Variants in PRPSAP1 observed in about 807,000 individuals in gnomAD.
The protein encoded by PRPSAP1 is phosphoribosyl pyrophosphate synthase-associated protein 1.
In PRPSAP1, 31 loss-of-function variants were observed where a neutral mutation model predicts 39.4. The ratio of observed to expected loss-of-function variants is 0.79; its 90% CI spans 0.59 to 1.06. The LOEUF (loss-of-function observed/expected upper bound fraction) is 1.06. PRPSAP1 is among the 50% of genes least tolerant of loss of function. The pLI is 0.00. For synonymous variants in PRPSAP1, 212 were observed against 192.6 expected (o/e 1.10, Z -0.83); for missense variants, 430 against 511.6 (o/e 0.84, Z 1.54).
Position 76,324,596 on chromosome 17 carries a change from C to A in PRPSAP1, c.781+4121G>T, listed in dbSNP as rs1006413041. Among the ~76,000 whole-genome samples, 3 of 135,372 alleles carry A rather than the reference C, an allele frequency of 2.2e-5. No individual in the cohort carries two copies. In the Admixed American group the frequency reaches 2.2e-4, roughly 10 times the overall value. 88.8% of individuals were successfully genotyped at this position (135,372 alleles called of 152,430 possible). A position where few individuals can be genotyped will look rare whatever the true frequency, so the allele number is the denominator to read the frequency against. ...AGCCTGGGCAACAAGAGCGAAAACT[C>A]CATCTCAAAAAAAAAAAAGCTATAA... On this transcript the variant is annotated intron_variant, in intron 7 of 9. Coordinates refer to ENST00000446526, the MANE Select transcript of PRPSAP1 (RefSeq NM_002766.3).
intron 3 of PRPSAP1, among the ~76,000 whole-genome samples, chr17:76,335,954 C>T (rs1340558613): frequency 2.0e-5 from 3 of 152,056 alleles, no homozygotes; most frequent in African/African-American, 7.2e-5. Context: ...TGCACTCCAA[C>T]CTGGGCAACA....
Position 76,318,694 on chromosome 17 carries a change from A to C in PRPSAP1, c.782-4803T>G, listed in dbSNP as rs191518318. Among the ~76,000 whole-genome samples, 14 of 152,308 alleles carry C rather than the reference A, an allele frequency of 9.2e-5. No homozygotes were observed. In the East Asian group the frequency reaches 2.7e-3, roughly 29 times the overall value. ...AGAATTTTCTTGGCTAAGCCTATTA[A>C]AGAGAGTCACAGAAAGCAATGTGAT... is the stretch of plus-strand genomic sequence containing the variant. On this transcript the variant is annotated intron_variant, in intron 7 of 9. Coordinates refer to ENST00000446526, the MANE Select transcript of PRPSAP1 (RefSeq NM_002766.3).
Position 76,332,381 on chromosome 17 carries a change from A to G in PRPSAP1, c.345T>C (p.Thr115=). 1.2e-6 allele frequency: 2 copies of G among 1,614,214 alleles called. No homozygotes were observed. Among genetic ancestry groups the G allele is most frequent in the Non-Finnish European group, 1.7e-6 (2 of 1,180,036 alleles). The change falls in exon 4 of 10, where the codon ACT becomes ACC. Residue 115 remains threonine (T), a synonymous_variant. Transcript: ENST00000446526. ...CCCCAATAATGTTCCTGGCACAGGCAGTCTTCAGTGCGTAAGCCATGATGA... is the reference window on the plus strand; with the variant it reads ...CCCCAATAATGTTCCTGGCACAGGCGGTCTTCAGTGCGTAAGCCATGATGA... ...ELLIMAYALK[T]ACARNIIGVI... is the part of the protein sequence containing the mutation.
rs1386737477 is a variant in PRPSAP1, at chr17:76,332,892, ATTT to A, written c.291-460_291-458del. 5.7e-5 allele frequency among the ~76,000 whole-genome samples: 8 copies of A among 139,180 alleles called. No individual in the cohort carries two copies. The South Asian group carries it at 9.1e-4, about 16-fold the overall frequency. The allele number at this position is 139,180 out of a possible 152,430, so 91.3% of individuals were successfully genotyped here. ...GAGTGTGGGGAGGTCTTGGAATATA[ATTT>A]TTTTTTTTTTTTTTTGAGACGGAGT... On this transcript the variant is annotated intron_variant, in intron 3 of 9. Transcript: ENST00000446526.
intron 7 of PRPSAP1, among the ~76,000 whole-genome samples, chr17:76,325,748 G>C (rs1348449598): frequency 6.6e-6 from 1 of 151,252 alleles, no homozygotes; most frequent in African/African-American, 2.4e-5. Context: ...GGGACTACAG[G>C]CGCCCGCCAC....
In PRPSAP1 at chr17:76,328,957, G is replaced by A. The variant is rs773911491; in HGVS notation, c.636-95C>T. ...TAACCATAAAATGAAAATATTTAAC[G>A]TTTCAGGGACATACAAAGGCATTAT... On this transcript the variant is annotated intron_variant, in intron 6 of 9. Transcript: ENST00000446526. 7 of 1,367,962 alleles carry A rather than the reference G, an allele frequency of 5.1e-6. No homozygotes were observed. The South Asian group carries it at 7.0e-5, about 14-fold the overall frequency. The allele number at this position is 1,367,962 out of a possible 1,614,324, so 84.7% of individuals were successfully genotyped here.
At chr17:76,350,722 G>C (rs1381107696) in intron 1 of PRPSAP1, among the ~76,000 whole-genome samples, 2 of 152,012 alleles carry the variant, frequency 1.3e-5, no homozygotes, top group Non-Finnish European at 2.9e-5. Flanking sequence ...AGCCACTGAA[G>C]TGTACACTTA....
chr17:76,314,307 C>T, intron 7 of PRPSAP1: 1 of 211,148 alleles, frequency 4.7e-6, no homozygotes, highest in South Asian at 6.4e-5. Flanking sequence ...GCAACCTCCG[C>T]CTCCCAGGTT....
intron 1 of PRPSAP1, among the ~76,000 whole-genome samples, chr17:76,352,340 A>G (rs2071584289): frequency 6.6e-6 from 1 of 152,190 alleles, no homozygotes; most frequent in African/African-American, 2.4e-5. Context: ...TCTCCAAAAG[A>G]GCCAACTAGA....
chr17:76,351,645 C>G (rs2071574326), intron 1 of PRPSAP1, among the ~76,000 whole-genome samples: 2 of 152,166 alleles, frequency 1.3e-5, no homozygotes, highest in African/African-American at 4.8e-5. Flanking sequence ...CGAGATGGCA[C>G]CACTGCACTC....
In PRPSAP1 at chr17:76,310,709, T is replaced by C. The variant is rs1385429582; in HGVS notation, c.*833A>G. 6.6e-6 allele frequency: 1 copy of C among 151,174 alleles called. No individual in the cohort carries two copies. Among genetic ancestry groups the C allele is most frequent in the African/African-American group, 2.4e-5 (1 of 41,008 alleles). The allele number at this position is 151,174 out of a possible 1,614,324, so 9.4% of individuals were successfully genotyped here. On this transcript the variant is annotated 3_prime_UTR_variant, in exon 10 of 10. Coordinates refer to ENST00000446526, the MANE Select transcript of PRPSAP1 (RefSeq NM_002766.3). ...GTCTGAAACTCCTGGGCTCAAGCAATCCTCCTTGCCTCAGCCTCCCAAAGT... is the reference window on the plus strand; with the variant it reads ...GTCTGAAACTCCTGGGCTCAAGCAACCCTCCTTGCCTCAGCCTCCCAAAGT...
chr17:76,353,913 A>C lies in PRPSAP1; in HGVS notation c.-210T>G. 1.5e-6 allele frequency: 2 copies of C among 1,322,240 alleles called. No individual in the cohort carries two copies. The highest frequency in any genetic ancestry group is 1.9e-6 in the Non-Finnish European group (2 of 1,041,238). The allele number at this position is 1,322,240 out of a possible 1,614,324, so 81.9% of individuals were successfully genotyped here. A position where few individuals can be genotyped will look rare whatever the true frequency, so the allele number is the denominator to read the frequency against. ...CCCGGCGCCGCCGCCTCAGAGCCAG[A>C]GGCAAGGCCACCGCCCCCTCCGGGC... is the stretch of plus-strand genomic sequence containing the variant. On this transcript the variant is annotated 5_prime_UTR_variant, in exon 1 of 10. Transcript: ENST00000446526.
intron 1 of PRPSAP1, among the ~76,000 whole-genome samples, chr17:76,351,238 C>T (rs2071565943): frequency 6.6e-6 from 1 of 151,380 alleles, no homozygotes; most frequent in Non-Finnish European, 1.5e-5. Context: ...CAGGTGTGGC[C>T]GGGCGCGGTG....
chr17:76,311,856 A>C (rs901062797), intron 9 of PRPSAP1, among the ~76,000 whole-genome samples, 156 bp from the exon 10 acceptor site: 6 of 152,174 alleles, frequency 3.9e-5, no homozygotes, highest in African/African-American at 1.4e-4. Flanking sequence ...ACCAAAATTA[A>C]CTAATTTTAT....
chr17:76,333,466 G>A (rs2071346183), intron 3 of PRPSAP1, among the ~76,000 whole-genome samples: 1 of 151,968 alleles, frequency 6.6e-6, no homozygotes, highest in Admixed American at 6.6e-5. Context: ...CCAATATGGT[G>A]AAACCTTGTC....
chr17:76,313,224 C>CA (rs2071088067), intron 8 of PRPSAP1: 1 of 489,146 alleles, frequency 2.0e-6, no homozygotes. Context: ...GAGGCGGGCG[C>CA]AGTCAAGCAC....
intron 2 of PRPSAP1, among the ~76,000 whole-genome samples, chr17:76,347,153 T>G (rs932145798): frequency 6.7e-6 from 1 of 150,248 alleles, no homozygotes; most frequent in Admixed American, 6.7e-5. Context: ...GGGATCCGAG[T>G]GTGCCAAGCA....
chr17:76,327,931 C>G (rs988465248), intron 7 of PRPSAP1, among the ~76,000 whole-genome samples: 1 of 151,962 alleles, frequency 6.6e-6, no homozygotes, highest in African/African-American at 2.4e-5. Flanking sequence ...CTTATGTAAT[C>G]TCGGCATTTT....
At chr17:76,311,868 C>A (rs2071074071) in intron 9 of PRPSAP1, among the ~76,000 whole-genome samples, 168 bp from the exon 10 acceptor site, 1 of 152,086 alleles carries the variant, frequency 6.6e-6, no homozygotes, top group African/African-American at 2.4e-5. Context: ...TAATTTTATG[C>A]AAAGGAAAAG....
Sources: gnomAD v4.1 joint callset for allele counts (sites outside exome capture counted in the v4.1 genomes callset) on GRCh38, gnomAD v4.1.1 for gene constraint, MANE v1.5 for transcripts, NCBI Gene and HGNC (gene_info 2026-07-23, HGNC 2026-07-21) for gene names.